Variants in TSPO observed in about 807,000 individuals in gnomAD.
The protein encoded by TSPO is benzodiazepine peripheral binding site.
A neutral mutation model predicts 13.9 loss-of-function variants in TSPO; 14 were observed. The ratio of observed to expected loss-of-function variants is 1.01; its 90% confidence interval spans 0.67 to 1.58. The LOEUF (loss-of-function observed/expected upper bound fraction) is 1.58, where lower values mean the gene tolerates loss of function less well. Among genes scored for constraint, TSPO ranks in the 40% most tolerant of loss-of-function variants. The pLI, the probability that TSPO is intolerant of heterozygous loss-of-function variation, is 0.00. For synonymous variants in TSPO, 114 were observed against 105.9 expected (o/e 1.08, Z -0.47); for missense variants, 232 against 229.6 (o/e 1.01, Z -0.07).
chr22:43,156,384 A>G (rs1931250079), intron 1 of TSPO, among the ~76,000 whole-genome samples: 3 of 152,002 alleles, frequency 2.0e-5, no homozygotes, highest in Admixed American at 6.6e-5. Context: ...AATCGTGGGG[A>G]GTTCTGCCAC....
At chr22:43,157,179 T>C (rs1931276394) in intron 1 of TSPO, among the ~76,000 whole-genome samples, 1 of 149,202 alleles carries the variant, frequency 6.7e-6, no homozygotes, top group African/African-American at 2.6e-5. Flanking sequence ...TGCTCAGCAG[T>C]ACCTCCTGCC....
intron 1 of TSPO, among the ~76,000 whole-genome samples, chr22:43,156,034 G>A (rs2147052270): frequency 6.6e-6 from 1 of 152,352 alleles, no homozygotes; most frequent in African/African-American, 2.4e-5. Flanking sequence ...CCCCGACCAG[G>A]CTTTCTCCTT....
In TSPO at chr22:43,163,066, T is replaced by A; in HGVS notation, c.*75T>A. On this transcript the variant is annotated 3_prime_UTR_variant, in exon 4 of 4. Transcript: ENST00000337554. ...TTGTGATGTGGTGGCCGTCACGCTT[T>A]CATGACCACTGGGCCTGCTAGTCTG... is the stretch of plus-strand genomic sequence containing the variant. 1 of 1,553,386 alleles carries A rather than the reference T, an allele frequency of 6.4e-7. No homozygotes were observed. Among genetic ancestry groups the A allele is most frequent in the Non-Finnish European group, 8.7e-7 (1 of 1,149,200 alleles).
chr22:43,160,946 G>T, intron 2 of TSPO, 106 bp from the exon 3 acceptor site: 2 of 1,382,104 alleles, frequency 1.4e-6, no homozygotes, highest in South Asian at 2.9e-5. Flanking sequence ...AGATCACACA[G>T]CAGTCAGTGT....
rs748404984 is a variant in TSPO, at chr22:43,158,551, C to CA, written c.-29-658dup. On this transcript the variant is annotated intron_variant, in intron 1 of 3. Coordinates refer to ENST00000337554, the MANE Select transcript of TSPO (RefSeq NM_000714.6). ...CCTGGGCCAGAGTGCAGTGTGGCCC[C>CA]AGGCAGGCTGCTCTCTGTCTCCGGT... is the stretch of plus-strand genomic sequence containing the variant. Among the ~76,000 whole-genome samples, 5 of 152,236 alleles carry CA rather than the reference C, an allele frequency of 3.3e-5. 1 individual carries two copies. The South Asian group carries it at 1.0e-3, about 32-fold the overall frequency.
At chr22:43,159,173 C>T (rs972264130) in intron 1 of TSPO, 37 bp from the exon 2 acceptor site, 1 of 1,425,192 alleles carries the variant, frequency 7.0e-7, no homozygotes, top group Non-Finnish European at 9.2e-7. Flanking sequence ...CCCATGGCCT[C>T]AGGAATGCCC....
chr22:43,161,147 G>A lies in TSPO; in HGVS notation c.278G>A (p.Trp93Ter). 1 of 1,614,026 alleles carries A rather than the reference G, an allele frequency of 6.2e-7. No homozygotes were observed. Among genetic ancestry groups the A allele is most frequent in the Non-Finnish European group, 8.5e-7 (1 of 1,179,890 alleles). Residue 93 changes from tryptophan to a stop codon, truncating the protein, a stop_gained, in exon 3 of 4, where the codon TGG (tryptophan) becomes TAG (stop). Transcript: ENST00000337554. LOFTEE classifies it low-confidence loss of function (END_TRUNC). ...GLYTGQLALNWAWPPIFFGAR... is the reference protein window; with the variant it reads ...GLYTGQLALN ...TACACTGGGCAGCTGGCCCTGAACT[G>A]GGCATGGCCCCCCATCTTCTTTGGT... is the stretch of plus-strand genomic sequence containing the variant.
chr22:43,156,357 C>G (rs1057458244), intron 1 of TSPO, among the ~76,000 whole-genome samples: 3 of 152,166 alleles, frequency 2.0e-5, no homozygotes, highest in Non-Finnish European at 4.4e-5. Context: ...TGGCTGGGTG[C>G]TGGAGCCAGG....
chr22:43,158,190 C>T (rs1931315139), intron 1 of TSPO, among the ~76,000 whole-genome samples: 1 of 152,202 alleles, frequency 6.6e-6, no homozygotes, highest in African/African-American at 2.4e-5. Context: ...GACTGCTTGT[C>T]TCTCGTGTTC....
chr22:43,159,328 T>C lies in TSPO; in HGVS notation c.90T>C (p.Gly30=), dbSNP rs760894949. 2.1e-5 allele frequency: 33 copies of C among 1,548,514 alleles called. No individual in the cohort carries two copies. In the East Asian group the frequency reaches 3.9e-4, roughly 18 times the overall value. The change falls in exon 2 of 4, where the codon GGT becomes GGC. Residue 30 remains glycine, a synonymous_variant. Coordinates refer to ENST00000337554, the MANE Select transcript of TSPO (RefSeq NM_000714.6). ...FVGSRFVHGE[G]LRWYAGLQKP... ...GCTCCCGCTTTGTCCACGGCGAGGG[T>C]CTCCGCTGGTACGCCGGCCTGCAGA...
chr22:43,155,422 C>T (rs944048435), intron 1 of TSPO, among the ~76,000 whole-genome samples: 1 of 152,214 alleles, frequency 6.6e-6, no homozygotes, highest in Non-Finnish European at 1.5e-5. Context: ...CTCTACCCTG[C>T]CCCGATCTTG....
chr22:43,153,618 T>C (rs1233643756), intron 1 of TSPO, among the ~76,000 whole-genome samples: 1 of 120,146 alleles, frequency 8.3e-6, no homozygotes. Context: ...CCCAAAGTGC[T>C]GGGATTACAG....
In TSPO at chr22:43,161,040, C is replaced by A; in HGVS notation, c.183-12C>A. ...TTCCTAATGGTGCTCTGAACTGCGG[C>A]CTCTGTTTCAGGTACGGCTCCTACC... is the stretch of plus-strand genomic sequence containing the variant. On this transcript the variant is annotated splice_polypyrimidine_tract_variant and intron_variant, in intron 2 of 3. Transcript: ENST00000337554. 6.2e-7 allele frequency: 1 copy of A among 1,610,142 alleles called. No homozygotes were observed. The highest frequency in any genetic ancestry group is 8.5e-7 in the Non-Finnish European group (1 of 1,177,916).
chr22:43,152,171 T>A (rs1008633597), intron 1 of TSPO: 1 of 152,306 alleles, frequency 6.6e-6, no homozygotes, highest in Non-Finnish European at 1.5e-5. Flanking sequence ...CCGAGCAGCC[T>A]CTGGGACCTG....
intron 1 of TSPO, among the ~76,000 whole-genome samples, chr22:43,157,454 G>C (rs138912): frequency 0.041 from 6,316 of 152,238 alleles, 192 homozygotes; most frequent in Non-Finnish European, 0.064. Flanking sequence ...CCATTCAACA[G>C]GCGAGAAAAC....
At chr22:43,156,734 TG>T (rs978553228) in intron 1 of TSPO, among the ~76,000 whole-genome samples, 2 of 152,192 alleles carry the variant, frequency 1.3e-5, no homozygotes, top group Non-Finnish European at 2.9e-5. Context: ...TTTCCATTTG[TG>T]GCATGAACAT....
chr22:43,159,290 G>C lies in TSPO; in HGVS notation c.52G>C (p.Gly18Arg). Residue 18 changes from glycine to arginine, a missense_variant, in exon 2 of 4, where the codon GGG becomes CGG. Gly to Arg is a moderately radical substitution (Grantham distance 125). Transcript: ENST00000337554. ...GGGCTTCACGCTGGCGCCCAGCCTG[G>C]GGTGCTTCGTGGGCTCCCGCTTTGT... ...AMGFTLAPSL[G>R]CFVGSRFVHG... is the part of the protein sequence containing the mutation. 6.4e-7 allele frequency: 1 copy of C among 1,554,430 alleles called. No homozygotes were observed. The highest frequency in any genetic ancestry group is 8.7e-7 in the Non-Finnish European group (1 of 1,149,548).
chr22:43,153,109 C>CT (rs1931138862), intron 1 of TSPO, among the ~76,000 whole-genome samples: 5 of 131,280 alleles, frequency 3.8e-5, no homozygotes, highest in African/African-American at 1.2e-4. Flanking sequence ...TCTTTCCTTT[C>CT]TCTTTCTCTT....
chr22:43,162,833 G>C lies in TSPO; in HGVS notation c.352G>C (p.Ala118Pro). 6.3e-7 allele frequency: 1 copy of C among 1,584,934 alleles called. No individual in the cohort carries two copies. Among genetic ancestry groups the C allele is most frequent in the Non-Finnish European group, 8.6e-7 (1 of 1,166,880 alleles). ...GGTGGATCTCCTGCTGGTCAGTGGGGCGGCGGCAGCCACTACCGTGGCCTG... is the reference window on the plus strand; with the variant it reads ...GGTGGATCTCCTGCTGGTCAGTGGGCCGGCGGCAGCCACTACCGTGGCCTG... ...ALVDLLLVSG[A>P]AAATTVAWYQ... The change falls in exon 4 of 4, where the codon GCG (alanine) becomes CCG (proline). Residue 118 changes from alanine (A) to proline (P), a missense_variant. Coordinates refer to ENST00000337554, the MANE Select transcript of TSPO (RefSeq NM_000714.6).
Sources: gnomAD v4.1 joint callset for allele counts (sites outside exome capture counted in the v4.1 genomes callset) on GRCh38, gnomAD v4.1.1 for gene constraint, MANE v1.5 for transcripts, NCBI Gene and HGNC (gene_info 2026-07-23, HGNC 2026-07-21) for gene names.